Variants in MCPH1 observed in about 807,000 individuals in gnomAD.
MCPH1 encodes microcephalin 1.
MCPH1 carries 104 observed loss-of-function variants against 84.5 expected under a neutral mutation model. The ratio of observed to expected loss-of-function variants is 1.23; its 90% CI spans 1.05 to 1.45. The LOEUF is 1.45. Among genes scored for constraint, MCPH1 ranks in the 40% most tolerant of loss-of-function variants. The probability of loss-of-function intolerance (pLI) is 0.00; values close to 1 mark genes in which losing one functional copy is unlikely to be tolerated. For missense variants in MCPH1, 1,498 were observed against 1,005.7 expected (o/e 1.49, Z -6.62); for synonymous variants, 514 against 366.8 (o/e 1.40, Z -4.58).
At chr8:6,441,983 A>G (rs1054285947) in intron 6 of MCPH1, 84 bp from the exon 7 acceptor site, 19 of 907,706 alleles carry the variant, frequency 2.1e-5, no homozygotes, top group African/African-American at 1.3e-4. Flanking sequence ...ATCACCTATG[A>G]TTAATAGGAG....
At chr8:6,546,734 G>C (rs2515489) in intron 12 of MCPH1, among the ~76,000 whole-genome samples, 151,473 of 152,336 alleles carry the variant, frequency 0.99, 75,315 homozygotes, top group Middle Eastern at 1. Flanking sequence ...TAGCCTAGAA[G>C]CTTGCACTTG....
intron 2 of MCPH1, 60 bp from the exon 3 acceptor site, chr8:6,414,705 T>A: frequency 1.3e-6 from 2 of 1,590,260 alleles, no homozygotes; most frequent in Admixed American, 1.7e-5. Context: ...TTTTGATCAG[T>A]TGTAGTTAAG....
At chr8:6,627,224 A>T in intron 13 of MCPH1, 1 of 985,396 alleles carries the variant, frequency 1.0e-6, no homozygotes, top group East Asian at 1.1e-4. Context: ...TTCAGTAGAT[A>T]TGTGAGGCTT....
intron 12 of MCPH1, among the ~76,000 whole-genome samples, chr8:6,523,798 AG>A (rs1817821136): frequency 6.6e-6 from 1 of 151,880 alleles, no homozygotes; most frequent in African/African-American, 2.4e-5. Flanking sequence ...TATGTTGTCC[AG>A]GCTGGTCTCG....
intron 12 of MCPH1, among the ~76,000 whole-genome samples, chr8:6,612,523 G>A (rs548705516): frequency 6.6e-6 from 1 of 152,200 alleles, no homozygotes; most frequent in African/African-American, 2.4e-5. Context: ...CAGCACCGGT[G>A]CCTGCCCCGC....
intron 8 of MCPH1, among the ~76,000 whole-genome samples, chr8:6,448,984 AAAT>A (rs1426063779): frequency 1.3e-5 from 2 of 152,188 alleles, no homozygotes; most frequent in African/African-American, 4.8e-5. Flanking sequence ...GAGAAAAATA[AAAT>A]AATTTGTGGT....
intron 3 of MCPH1, among the ~76,000 whole-genome samples, chr8:6,415,478 C>T (rs113918314): frequency 1.7e-4 from 26 of 151,980 alleles, no homozygotes; most frequent in African/African-American, 5.5e-4. Flanking sequence ...TTCTGCCTCC[C>T]GAGTAGCTGG....
chr8:6,606,274 A>G (rs1452045818), intron 12 of MCPH1, among the ~76,000 whole-genome samples: 2 of 152,240 alleles, frequency 1.3e-5, no homozygotes, highest in African/African-American at 2.4e-5. Flanking sequence ...ATAAAATAAT[A>G]TATCTAAAAC....
Position 6,436,154 on chromosome 8 carries a change from C to G in MCPH1, c.428C>G (p.Thr143Arg). 1 of 1,613,120 alleles carries G rather than the reference C, an allele frequency of 6.2e-7. No individual in the cohort carries two copies. Among genetic ancestry groups the G allele is most frequent in the East Asian group, 2.2e-5 (1 of 44,820 alleles). ...KMAKELQRQK[T>R]NLDDDVPILL... ...GCTAAAGAGCTACAAAGGCAAAAAA[C>G]AAATCTAGGTAAGCTAAGAAATATA... The change falls in exon 5 of 14, where the codon ACA (threonine) becomes AGA (arginine). Residue 143 changes from threonine to arginine, a missense_variant. Physicochemically the swap from Thr to Arg is moderately conservative, Grantham distance 71. Transcript: ENST00000344683.
chr8:6,540,826 G>T (rs1455178846), intron 12 of MCPH1, among the ~76,000 whole-genome samples: 1 of 152,258 alleles, frequency 6.6e-6, no homozygotes, highest in Admixed American at 6.5e-5. Flanking sequence ...GGAGGCAGGG[G>T]CGCCGCAGGG....
intron 12 of MCPH1, among the ~76,000 whole-genome samples, chr8:6,580,440 A>G (rs980789942): frequency 2.0e-5 from 3 of 152,192 alleles, no homozygotes; most frequent in African/African-American, 4.8e-5. Context: ...GCAGATCACG[A>G]GGCCAGGAGT....
At chr8:6,545,407 T>C (rs563007973) in intron 12 of MCPH1, among the ~76,000 whole-genome samples, 3 of 152,352 alleles carry the variant, frequency 2.0e-5, no homozygotes, top group Admixed American at 2.0e-4. Flanking sequence ...TTTGACAAGT[T>C]TTGTTGTGAC....
intron 11 of MCPH1, among the ~76,000 whole-genome samples, chr8:6,488,137 A>G (rs2032476344): frequency 6.6e-6 from 1 of 152,234 alleles, no homozygotes; most frequent in Non-Finnish European, 1.5e-5. Context: ...TTCTCTGCGG[A>G]GGCTCCTGCA....
At chr8:6,471,180 C>G (rs1450641537) in intron 9 of MCPH1, among the ~76,000 whole-genome samples, 1 of 152,104 alleles carries the variant, frequency 6.6e-6, no homozygotes, top group South Asian at 2.1e-4. Context: ...AGCAAAGTAC[C>G]AGGCTTCTTT....
chr8:6,538,577 G>A (rs116001492), intron 12 of MCPH1, among the ~76,000 whole-genome samples: 75 of 152,220 alleles, frequency 4.9e-4, no homozygotes, highest in South Asian at 2.3e-3. Flanking sequence ...GCTGCCCAGC[G>A]GCCTCATACC....
At chr8:6,532,514 G>A (rs752434914) in intron 12 of MCPH1, 4 of 1,537,880 alleles carry the variant, frequency 2.6e-6, no homozygotes, top group Non-Finnish European at 3.5e-6. Context: ...TTAGAAGGCA[G>A]TCATTAGTCA....
intron 3 of MCPH1, among the ~76,000 whole-genome samples, chr8:6,431,126 T>G (rs1801774871): frequency 6.6e-6 from 1 of 152,178 alleles, no homozygotes; most frequent in Admixed American, 6.5e-5. Context: ...TTACGTCCCT[T>G]CTACCTCTGA....
At chr8:6,431,651 C>T in intron 4 of MCPH1, 65 bp downstream of exon 4, 1 of 1,120,216 alleles carries the variant, frequency 8.9e-7, no homozygotes, top group Non-Finnish European at 1.3e-6. Context: ...TTTTTTATTT[C>T]TAGAAAATAA....
intron 12 of MCPH1, among the ~76,000 whole-genome samples, chr8:6,546,290 C>T (rs1427398026): frequency 6.6e-6 from 1 of 152,206 alleles, no homozygotes. Context: ...TGACTGTCAG[C>T]CACTGGAAGA....
Sources: gnomAD v4.1 joint callset for allele counts (sites outside exome capture counted in the v4.1 genomes callset) on GRCh38, gnomAD v4.1.1 for gene constraint, MANE v1.5 for transcripts, NCBI Gene and HGNC (gene_info 2026-07-23, HGNC 2026-07-21) for gene names.